CCDC171: variants seen among roughly 807,000 people sequenced by gnomAD.
The protein encoded by CCDC171 is coiled-coil domain containing 171.
Under a neutral mutation model 168.2 loss-of-function variants are expected in CCDC171, and 177 were observed. The ratio of observed to expected loss-of-function variants is 1.05; its 90% CI spans 0.93 to 1.19. The LOEUF is 1.19. Ranked by LOEUF, CCDC171 falls within the 50% of genes most tolerant of loss-of-function variation. The probability of loss-of-function intolerance (pLI) is 0.00; values close to 1 mark genes in which losing one functional copy is unlikely to be tolerated. For missense variants in CCDC171, 1,991 were observed against 1,539.0 expected (o/e 1.29, Z -4.91); for synonymous variants, 687 against 540.8 (o/e 1.27, Z -3.75).
intron 6 of CCDC171, among the ~76,000 whole-genome samples, chr9:15,613,098 T>C (rs1250997354): frequency 6.6e-6 from 1 of 152,230 alleles, no homozygotes; most frequent in Non-Finnish European, 1.5e-5. Flanking sequence ...CTGGGTCAAA[T>C]AGTAACTTTA....
intron 7 of CCDC171, among the ~76,000 whole-genome samples, chr9:15,652,720 C>T (rs374395710): frequency 2.0e-5 from 3 of 152,268 alleles, no homozygotes; most frequent in South Asian, 2.1e-4. Flanking sequence ...GGATTACAGG[C>T]GTGAGCCACC....
intron 11 of CCDC171, among the ~76,000 whole-genome samples, chr9:15,711,952 C>T (rs1197040888): frequency 6.6e-6 from 1 of 152,180 alleles, no homozygotes; most frequent in Admixed American, 6.5e-5. Flanking sequence ...GTGGTCCACA[C>T]CTGTATTCCA....
intron 4 of CCDC171, 27 bp from the exon 5 acceptor site, chr9:15,591,339 A>G: frequency 7.1e-7 from 1 of 1,413,740 alleles, no homozygotes; most frequent in Non-Finnish European, 9.7e-7. Flanking sequence ...ATGGTTGTAA[A>G]TGTACCTATT....
At chr9:15,801,656 T>A (rs115166224) in intron 21 of CCDC171, among the ~76,000 whole-genome samples, 2,641 of 152,116 alleles carry the variant, frequency 0.017, 95 homozygotes, top group African/African-American at 0.06. Flanking sequence ...TACTATGTCA[T>A]GTAACAGTGG....
chr9:15,923,198 C>T (rs370534716), intron 25 of CCDC171, among the ~76,000 whole-genome samples: 17 of 151,430 alleles, frequency 1.1e-4, no homozygotes, highest in Admixed American at 4.0e-4. Context: ...GTGATATCTG[C>T]GCTCCTATGT....
At chr9:15,959,725 T>C (rs982927938) in intron 25 of CCDC171, among the ~76,000 whole-genome samples, 3 of 152,116 alleles carry the variant, frequency 2.0e-5, no homozygotes, top group African/African-American at 7.2e-5. Flanking sequence ...GGAGATTTTA[T>C]GGGCAGGCAC....
chr9:15,914,432 CT>C (rs1034698352), intron 24 of CCDC171, among the ~76,000 whole-genome samples: 20 of 152,134 alleles, frequency 1.3e-4, no homozygotes, highest in Non-Finnish European at 1.0e-4. Context: ...TTCCTGGAGG[CT>C]TTGTTTAAAC....
At position 15,768,859 on chromosome 9, in the gene CCDC171, A is replaced by G. The variant is rs566693322; in HGVS notation, c.2672-8741A>G. On this transcript the variant is annotated intron_variant, in intron 18 of 25. Coordinates refer to ENST00000380701, the MANE Select transcript of CCDC171 (RefSeq NM_173550.4). ...GTAAGCAGTGCTTGATGTGTCACCT[A>G]TCTTCATCCGCAGTATCAGCAGCAA... is the stretch of plus-strand genomic sequence containing the variant. 5.3e-5 allele frequency among the ~76,000 whole-genome samples: 8 copies of G among 152,308 alleles called. No individual in the cohort carries two copies. In the South Asian group the frequency reaches 1.2e-3, roughly 24 times the overall value.
At position 15,656,683 on chromosome 9, in the gene CCDC171, A is replaced by T. The variant is rs149081555; in HGVS notation, c.823-444A>T. On this transcript the variant is annotated intron_variant, in intron 7 of 25. Transcript: ENST00000380701. ...TTTATATACAACTCCAGAAAATGCA[A>T]ACCTCTCTGTAGTGACAAAAAGCAG... Among the ~76,000 whole-genome samples, 3 of 152,306 alleles carry T rather than the reference A, an allele frequency of 2.0e-5. No individual in the cohort carries two copies. The East Asian group carries it at 5.8e-4, about 29-fold the overall frequency.
chr9:15,602,049 C>G (rs1018972815), intron 6 of CCDC171, among the ~76,000 whole-genome samples: 1 of 152,116 alleles, frequency 6.6e-6, no homozygotes, highest in Admixed American at 6.5e-5. Flanking sequence ...GGAATATGCT[C>G]CCTAGTTACT....
intron 25 of CCDC171, among the ~76,000 whole-genome samples, chr9:15,952,459 G>A (rs369829495): frequency 6.6e-6 from 1 of 152,056 alleles, no homozygotes; most frequent in Non-Finnish European, 1.5e-5. Flanking sequence ...GTACAATGGC[G>A]TGATCTCAGC....
chr9:16,074,429 T>C, the CCDC171 span, among the ~76,000 whole-genome samples: 3 of 152,224 alleles, frequency 2.0e-5, no homozygotes, highest in South Asian at 6.2e-4. Context: ...TCAACTTCCA[T>C]TATTACTTTA....
At position 15,579,723 on chromosome 9, in the gene CCDC171, A is replaced by T. The variant is rs895466130; in HGVS notation, c.352+700A>T. Reference sequence around the variant, plus strand: ...ACTTTTTTGTACTTTATATGAATGGAATCATAAAGTATATATTCTTTTTTT... The same window carrying T: ...ACTTTTTTGTACTTTATATGAATGGTATCATAAAGTATATATTCTTTTTTT... On this transcript the variant is annotated intron_variant, in intron 4 of 25. Transcript: ENST00000380701. Among the ~76,000 whole-genome samples, 10 of 152,306 alleles carry T rather than the reference A, an allele frequency of 6.6e-5. 1 individual carries two copies. Among genetic ancestry groups the T allele is most frequent in the Admixed American group, 5.9e-4 (9 of 15,292 alleles).
chr9:15,676,896 T>C (rs1038331273), intron 9 of CCDC171, among the ~76,000 whole-genome samples: 3 of 152,144 alleles, frequency 2.0e-5, no homozygotes, highest in African/African-American at 7.2e-5. Context: ...GTCTGGAATC[T>C]TTAGGTGATT....
At chr9:15,982,339 T>C (rs571759613) in intron 3 of CCDC171, among the ~76,000 whole-genome samples, 46 of 152,306 alleles carry the variant, frequency 3.0e-4, no homozygotes, top group Non-Finnish European at 5.1e-4. Flanking sequence ...GCAAGTTATT[T>C]AACCTCGTGA....
chr9:15,758,688 T>A (rs540064050), intron 18 of CCDC171, among the ~76,000 whole-genome samples: 8 of 152,144 alleles, frequency 5.3e-5, no homozygotes, highest in Non-Finnish European at 1.0e-4. Flanking sequence ...ATATTTCCCA[T>A]GTGTTGTGGG....
rs192721569 is a variant in CCDC171, at chr9:15,728,353, C to G, written c.1860+317C>G. Among the ~76,000 whole-genome samples the G allele has an allele frequency of 3.9e-5, 6 of 152,100 alleles. No individual in the cohort carries two copies. In the East Asian group the frequency reaches 1.2e-3, roughly 29 times the overall value. ...TCTTACTGATGAAGCAATTCAAAGA[C>G]CTTAGTCATTTACATTAATAAACCA... On this transcript the variant is annotated intron_variant, in intron 15 of 25. Coordinates refer to ENST00000380701, the MANE Select transcript of CCDC171 (RefSeq NM_173550.4).
chr9:15,804,325 T>G (rs759286642), intron 21 of CCDC171, among the ~76,000 whole-genome samples: 1 of 152,166 alleles, frequency 6.6e-6, no homozygotes, highest in Non-Finnish European at 1.5e-5. Flanking sequence ...CAAGAGGGAA[T>G]GCTTCCAGCT....
chr9:15,933,766 T>A (rs990980121), intron 25 of CCDC171, among the ~76,000 whole-genome samples: 2 of 151,976 alleles, frequency 1.3e-5, no homozygotes, highest in African/African-American at 2.4e-5. Flanking sequence ...ATACAAAAAT[T>A]AAGTCAAAAT....
Sources: gnomAD v4.1 joint callset for allele counts (sites outside exome capture counted in the v4.1 genomes callset) on GRCh38, gnomAD v4.1.1 for gene constraint, MANE v1.5 for transcripts, NCBI Gene and HGNC (gene_info 2026-07-23, HGNC 2026-07-21) for gene names.